LEF1: variants seen among roughly 807,000 people sequenced by gnomAD.
The protein encoded by LEF1 is lymphoid enhancer binding factor 1.
In LEF1, 14 loss-of-function variants were observed where a neutral mutation model predicts 51.2. That is an observed-to-expected ratio of 0.27 (90% CI 0.18 to 0.43). The LOEUF (loss-of-function observed/expected upper bound fraction) is 0.43. Ranked by LOEUF, LEF1 falls within the 20% of genes least tolerant of loss-of-function variation. The pLI, the probability that LEF1 is intolerant of heterozygous loss-of-function variation, is 1.00. For synonymous variants in LEF1, 185 were observed against 183.2 expected (o/e 1.01, Z -0.08); for missense variants, 386 against 512.0 (o/e 0.75, Z 2.37).
intron 3 of LEF1, among the ~76,000 whole-genome samples, chr4:108,089,976 A>T (rs571462290): frequency 9.2e-5 from 14 of 152,222 alleles, no homozygotes; most frequent in Admixed American, 9.2e-4. Context: ...ACTGCATAAT[A>T]TGAAATACTG....
rs941791129 is a variant in LEF1 at position 108,095,131 on chromosome 4, G to A, written c.415-5874C>T. 9.2e-5 allele frequency among the ~76,000 whole-genome samples: 14 copies of A among 152,228 alleles called. No individual in the cohort carries two copies. In the South Asian group the frequency reaches 1.0e-3, roughly 11 times the overall value. ...GCAGCTGCATTTTTCAGATAAGAACGAGGCCCCAGGATCTTAAGATTCAAA... is the reference window on the plus strand; with the variant it reads ...GCAGCTGCATTTTTCAGATAAGAACAAGGCCCCAGGATCTTAAGATTCAAA... On this transcript the variant is annotated intron_variant, in intron 3 of 11. Coordinates refer to ENST00000265165, the MANE Select transcript of LEF1 (RefSeq NM_016269.5).
At chr4:108,100,101 A>T (rs1321881706) in intron 3 of LEF1, among the ~76,000 whole-genome samples, 1 of 152,208 alleles carries the variant, frequency 6.6e-6, no homozygotes, top group East Asian at 1.9e-4. Flanking sequence ...GGATATATTT[A>T]TATGAGTCAA....
intron 2 of LEF1, among the ~76,000 whole-genome samples, chr4:108,164,278 C>T (rs780404768): frequency 1.1e-4 from 16 of 151,976 alleles, no homozygotes; most frequent in Non-Finnish European, 2.1e-4. Flanking sequence ...GATCATTTTG[C>T]CAAAAAATTT....
chr4:108,068,312 G>A (rs368552840), intron 9 of LEF1, among the ~76,000 whole-genome samples: 2 of 152,034 alleles, frequency 1.3e-5, no homozygotes, highest in African/African-American at 4.8e-5. Context: ...AGAAGGTACT[G>A]GAAGACTGAG....
intron 3 of LEF1, among the ~76,000 whole-genome samples, chr4:108,143,264 T>C (rs756434141): frequency 9.9e-5 from 15 of 152,222 alleles, no homozygotes; most frequent in Non-Finnish European, 1.6e-4. Context: ...TGGGGTTTGT[T>C]TTGCTTTAGA....
intron 11 of LEF1, among the ~76,000 whole-genome samples, chr4:108,050,524 GGAGA>G (rs1379799043): frequency 3.9e-5 from 6 of 152,144 alleles, no homozygotes; most frequent in Non-Finnish European, 5.9e-5. Context: ...GCCTTTCTAC[GGAGA>G]AAGAAACAGG....
chr4:108,115,356 A>G (rs1172791062), intron 3 of LEF1, among the ~76,000 whole-genome samples: 1 of 152,236 alleles, frequency 6.6e-6, no homozygotes, highest in East Asian at 1.9e-4. Flanking sequence ...CCGCTCTCTC[A>G]GTGGCTATGG....
intron 3 of LEF1, among the ~76,000 whole-genome samples, chr4:108,117,411 C>G (rs1372847522): frequency 2.0e-5 from 3 of 152,232 alleles, no homozygotes; most frequent in Non-Finnish European, 4.4e-5. Context: ...CAACCTCCAC[C>G]TTTCTATTCC....
chr4:108,166,488 A>G, intron 1 of LEF1: 1 of 1,371,458 alleles, frequency 7.3e-7, no homozygotes, highest in Non-Finnish European at 9.4e-7. Flanking sequence ...TTTCCTCCAG[A>G]GGGTTTCCCA....
intron 8 of LEF1, among the ~76,000 whole-genome samples, chr4:108,076,078 T>G (rs532757948): frequency 2.6e-5 from 4 of 152,072 alleles, no homozygotes; most frequent in Non-Finnish European, 5.9e-5. Context: ...TGCTACTCCA[T>G]CTGCATGTGG....
chr4:108,123,998 A>G (rs970390697), intron 3 of LEF1, among the ~76,000 whole-genome samples: 2 of 151,986 alleles, frequency 1.3e-5, no homozygotes, highest in African/African-American at 4.8e-5. Context: ...AAAAACTAAA[A>G]ATAGCCATGT....
At chr4:108,084,934 G>A (rs1739546025) in intron 4 of LEF1, among the ~76,000 whole-genome samples, 2 of 152,068 alleles carry the variant, frequency 1.3e-5, no homozygotes, top group Non-Finnish European at 1.5e-5. Context: ...GTAAGGGGAT[G>A]GCTCAGTCGC....
chr4:108,138,506 T>TACAC (rs79489271), intron 3 of LEF1, among the ~76,000 whole-genome samples: 6,694 of 149,862 alleles, frequency 0.045, 266 homozygotes, highest in African/African-American at 0.11. Context: ...TGTGTGTGTA[T>TACAC]ACACACACAC....
chr4:108,126,080 T>C lies in LEF1; in HGVS notation c.415-36823A>G, dbSNP rs1044161952. On this transcript the variant is annotated intron_variant, in intron 3 of 11. Transcript: ENST00000265165. ...GAAATAGTCCTATTCCTGAGTCTAG[T>C]GGTCATAACTATGTTCTGAAACTCT... 2.0e-5 allele frequency among the ~76,000 whole-genome samples: 3 copies of C among 152,326 alleles called. No homozygotes were observed. The East Asian group carries it at 5.8e-4, about 29-fold the overall frequency.
intron 5 of LEF1, 105 bp downstream of exon 5, chr4:108,083,251 C>T (rs1295007893): frequency 6.2e-6 from 5 of 809,850 alleles, no homozygotes; most frequent in Admixed American, 1.9e-5. Flanking sequence ...TGTGAAATTT[C>T]TTCAACTCCA....
At chr4:108,074,970 C>T (rs1373540158) in intron 8 of LEF1, among the ~76,000 whole-genome samples, 1 of 152,156 alleles carries the variant, frequency 6.6e-6, no homozygotes, top group African/African-American at 2.4e-5. Flanking sequence ...GAGTTGCATA[C>T]AAGCTGAAAT....
intron 3 of LEF1, among the ~76,000 whole-genome samples, chr4:108,158,546 G>T (rs1191443195): frequency 2.0e-5 from 3 of 152,054 alleles, no homozygotes; most frequent in Non-Finnish European, 4.4e-5. Flanking sequence ...GTGCTGGCAT[G>T]TTTTCTCTTT....
chr4:108,122,024 GTTT>G (rs1218068085), intron 3 of LEF1, among the ~76,000 whole-genome samples: 1 of 152,154 alleles, frequency 6.6e-6, no homozygotes, highest in African/African-American at 2.4e-5. Flanking sequence ...ATCCTTTGAA[GTTT>G]TTTAACACAC....
At chr4:108,161,990 T>C (rs957650857) in intron 3 of LEF1, among the ~76,000 whole-genome samples, 7 of 152,190 alleles carry the variant, frequency 4.6e-5, no homozygotes, top group Non-Finnish European at 1.0e-4. Context: ...TAAAGAGATA[T>C]CTATATATTT....
Sources: gnomAD v4.1 joint callset for allele counts (sites outside exome capture counted in the v4.1 genomes callset) on GRCh38, gnomAD v4.1.1 for gene constraint, MANE v1.5 for transcripts, NCBI Gene and HGNC (gene_info 2026-07-23, HGNC 2026-07-21) for gene names.